The following GALNTL6 variants were observed in gnomAD, a reference collection of about 807,000 sequenced individuals.
GALNTL6 encodes the protein polypeptide N-acetylgalactosaminyltransferase like 6.
Under a neutral mutation model 73.7 loss-of-function variants are expected in GALNTL6, and 46 were observed. The ratio of observed to expected loss-of-function variants is 0.62; its 90% confidence interval spans 0.49 to 0.80. The LOEUF is 0.80. Ranked by LOEUF, GALNTL6 falls within the 30% of genes least tolerant of loss-of-function variation. The pLI is 0.00. For synonymous variants in GALNTL6, 259 were observed against 263.7 expected (o/e 0.98, Z 0.17); for missense variants, 604 against 755.0 (o/e 0.80, Z 2.34).
chr4:172,192,491 A>G (rs1054096835), intron 2 of GALNTL6, among the ~76,000 whole-genome samples: 1 of 152,122 alleles, frequency 6.6e-6, no homozygotes, highest in Non-Finnish European at 1.5e-5. Flanking sequence ...AGGTTCTCTC[A>G]TGGGGACTGA....
At chr4:172,338,008 T>C (rs57208748) in intron 4 of GALNTL6, among the ~76,000 whole-genome samples, 1 of 152,280 alleles carries the variant, frequency 6.6e-6, no homozygotes, top group African/African-American at 2.4e-5. Context: ...ACTAGGTTAG[T>C]TTGAAAACCT....
chr4:172,157,688 C>T (rs1325599248), intron 2 of GALNTL6, among the ~76,000 whole-genome samples: 1 of 152,108 alleles, frequency 6.6e-6, no homozygotes, highest in Non-Finnish European at 1.5e-5. Context: ...ACTTTTATTA[C>T]TAGGAACGAT....
chr4:171,826,583 CT>C (rs1363069930), intron 2 of GALNTL6, among the ~76,000 whole-genome samples: 1 of 152,174 alleles, frequency 6.6e-6, no homozygotes, highest in Non-Finnish European at 1.5e-5. Flanking sequence ...CTGAATCTGA[CT>C]CCTGCTAATC....
intron 8 of GALNTL6, among the ~76,000 whole-genome samples, chr4:172,914,462 TAA>T (rs1436939166): frequency 6.6e-6 from 1 of 152,144 alleles, no homozygotes; most frequent in African/African-American, 2.4e-5. Context: ...GCAAATTGGA[TAA>T]AGAGTCAAGA....
intron 2 of GALNTL6, among the ~76,000 whole-genome samples, chr4:171,943,496 C>T (rs1421050944): frequency 6.6e-6 from 1 of 152,148 alleles, no homozygotes; most frequent in Non-Finnish European, 1.5e-5. Flanking sequence ...CTACATTCAA[C>T]ACTCTCTGAT....
chr4:172,570,206 A>G (rs1736710005), intron 5 of GALNTL6, among the ~76,000 whole-genome samples: 1 of 152,134 alleles, frequency 6.6e-6, no homozygotes, highest in African/African-American at 2.4e-5. Flanking sequence ...CATCCAGACG[A>G]GCCCGGGCAG....
At chr4:172,267,838 A>G (rs1014048821) in intron 3 of GALNTL6, among the ~76,000 whole-genome samples, 2 of 152,160 alleles carry the variant, frequency 1.3e-5, no homozygotes, top group African/African-American at 4.8e-5. Context: ...ACATCTAAAC[A>G]TTAGTGGATG....
chr4:172,121,395 C>A (rs966567767), intron 2 of GALNTL6, among the ~76,000 whole-genome samples: 1 of 151,936 alleles, frequency 6.6e-6, no homozygotes, highest in African/African-American at 2.4e-5. Context: ...CACTTCATGG[C>A]CTTCCCCAGC....
chr4:172,980,748 A>G (rs1414933210), intron 10 of GALNTL6, among the ~76,000 whole-genome samples: 1 of 152,196 alleles, frequency 6.6e-6, no homozygotes, highest in Non-Finnish European at 1.5e-5. Flanking sequence ...TAAAAGCCGT[A>G]TCTTCAAATA....
chr4:172,743,939 A>G (rs2110749364), intron 5 of GALNTL6, among the ~76,000 whole-genome samples: 1 of 152,260 alleles, frequency 6.6e-6, no homozygotes, highest in South Asian at 2.1e-4. Context: ...CACCTTTCAT[A>G]CTTCAGATCT....
intron 5 of GALNTL6, among the ~76,000 whole-genome samples, chr4:172,606,663 CTATA>C (rs373383097): frequency 3.4e-4 from 13 of 38,536 alleles, no homozygotes; most frequent in East Asian, 1.2e-3. Context: ...TATATATATA[CTATA>C]TATATATACT....
At chr4:172,149,436 T>C (rs1333016212) in intron 2 of GALNTL6, among the ~76,000 whole-genome samples, 1 of 152,086 alleles carries the variant, frequency 6.6e-6, no homozygotes, top group Non-Finnish European at 1.5e-5. Flanking sequence ...ATATCTTCTC[T>C]CTCTCTCTCT....
chr4:171,984,915 G>C (rs1317118437), intron 2 of GALNTL6, among the ~76,000 whole-genome samples: 3 of 151,930 alleles, frequency 2.0e-5, no homozygotes, highest in Non-Finnish European at 4.4e-5. Flanking sequence ...CACTTTGGGA[G>C]GTCGAGGCAG....
At chr4:173,028,708 C>G (rs1753334341) in intron 12 of GALNTL6, among the ~76,000 whole-genome samples, 1 of 152,170 alleles carries the variant, frequency 6.6e-6, no homozygotes, top group African/African-American at 2.4e-5. Flanking sequence ...AAACCCCAAC[C>G]TGTGCTGGAT....
intron 5 of GALNTL6, among the ~76,000 whole-genome samples, chr4:172,452,494 T>C (rs923007238): frequency 9.2e-5 from 14 of 152,184 alleles, no homozygotes; most frequent in Non-Finnish European, 2.1e-4. Flanking sequence ...ACTATATGTT[T>C]TATAAGATCT....
intron 3 of GALNTL6, among the ~76,000 whole-genome samples, chr4:172,243,922 G>C (rs1311821061): frequency 1.3e-5 from 2 of 152,086 alleles, no homozygotes; most frequent in Non-Finnish European, 2.9e-5. Context: ...AGCAACCATT[G>C]CTATGGCTAC....
At chr4:172,487,219 C>T (rs573802505) in intron 5 of GALNTL6, among the ~76,000 whole-genome samples, 3 of 149,910 alleles carry the variant, frequency 2.0e-5, no homozygotes, top group African/African-American at 7.4e-5. Context: ...TTTCTCCTTC[C>T]TTCCTTCCTT....
intron 3 of GALNTL6, among the ~76,000 whole-genome samples, chr4:172,288,680 A>T (rs1035776846): frequency 1.3e-5 from 2 of 152,194 alleles, no homozygotes; most frequent in African/African-American, 4.8e-5. Context: ...GCACATAATA[A>T]GTATGTAATA....
intron 2 of GALNTL6, among the ~76,000 whole-genome samples, chr4:172,131,523 C>T (rs533872530): frequency 2.3e-4 from 34 of 147,148 alleles, no homozygotes; most frequent in East Asian, 1.6e-3. Flanking sequence ...CATATATATA[C>T]ACACACACAC....
Sources: gnomAD v4.1 joint callset for allele counts (sites outside exome capture counted in the v4.1 genomes callset) on GRCh38, gnomAD v4.1.1 for gene constraint, MANE v1.5 for transcripts, NCBI Gene and HGNC (gene_info 2026-07-23, HGNC 2026-07-21) for gene names.